The following SESN1 variants were observed in gnomAD, a reference collection of about 807,000 sequenced individuals.
The protein encoded by SESN1 is sestrin-1.
In SESN1, 30 loss-of-function variants were observed where a neutral mutation model predicts 59.3. That is an observed-to-expected ratio of 0.51 (90% CI 0.38 to 0.69). SESN1 has a LOEUF of 0.69. SESN1 is among the 30% of genes least tolerant of loss of function. The probability of loss-of-function intolerance (pLI) is 0.00; values close to 1 mark genes in which losing one functional copy is unlikely to be tolerated. For missense variants in SESN1, 566 were observed against 673.0 expected, an observed-to-expected ratio of 0.84 and a Z score of 1.76; for synonymous variants, 197 against 219.9, an observed-to-expected ratio of 0.90 and a Z score of 0.92.
At chr6:109,093,555 G>A (rs940311672) in intron 1 of SESN1, among the ~76,000 whole-genome samples, 2 of 151,752 alleles carry the variant, frequency 1.3e-5, no homozygotes, top group Non-Finnish European at 1.5e-5. Flanking sequence ...AGAAATATAA[G>A]GAAAAACAAG....
intron 1 of SESN1, among the ~76,000 whole-genome samples, chr6:109,037,167 T>C (rs907017524): frequency 2.0e-5 from 3 of 152,238 alleles, no homozygotes; most frequent in African/African-American, 7.2e-5. Context: ...ACCTCACTTA[T>C]GAACCACGCT....
intron 5 of SESN1, among the ~76,000 whole-genome samples, chr6:108,995,820 T>C (rs1779493251): frequency 6.6e-6 from 1 of 151,666 alleles, no homozygotes; most frequent in Non-Finnish European, 1.5e-5. Flanking sequence ...CAAATCTCAA[T>C]GTATACATAC....
chr6:109,012,988 C>A (rs1225349254), intron 1 of SESN1, among the ~76,000 whole-genome samples: 3 of 151,454 alleles, frequency 2.0e-5, no homozygotes, highest in African/African-American at 2.4e-5. Context: ...TGGTGGTGTG[C>A]GCCTGTAGTC....
chr6:109,054,226 T>C (rs1304868399), intron 1 of SESN1, among the ~76,000 whole-genome samples: 1 of 152,056 alleles, frequency 6.6e-6, no homozygotes, highest in Non-Finnish European at 1.5e-5. Context: ...AAAGTTATGA[T>C]GATGGAATAG....
intron 1 of SESN1, among the ~76,000 whole-genome samples, chr6:109,075,998 T>C (rs1016445149): frequency 6.6e-6 from 1 of 152,164 alleles, no homozygotes; most frequent in East Asian, 1.9e-4. Flanking sequence ...TCCTCTCCAG[T>C]TCACTGCATA....
At chr6:108,993,147 T>C (rs11970599) in intron 6 of SESN1, 64,380 of 373,418 alleles carry the variant, frequency 0.17, 6,604 homozygotes, top group African/African-American at 0.33. Context: ...CTTTCATAGA[T>C]CCTTTCTCTC....
Position 108,988,546 on chromosome 6 carries a change from C to T in SESN1, c.1566G>A (p.Glu522=). The change falls in exon 9 of 10, where the codon GAG becomes GAA. Residue 522 remains glutamate, a synonymous_variant. Transcript: ENST00000436639. ...ATAAGCCACAATAGGCACATACCTTCTCAGAGTGCTTGAACTGCCTCCAGA... is the reference window on the plus strand; with the variant it reads ...ATAAGCCACAATAGGCACATACCTTTTCAGAGTGCTTGAACTGCCTCCAGA... ...DSFWRQFKHS[E]KVHVNLLLIE... is the part of the protein sequence containing the mutation. 1 of 1,608,220 alleles carries T rather than the reference C, an allele frequency of 6.2e-7. No homozygotes were observed. Among genetic ancestry groups the T allele is most frequent in the Non-Finnish European group, 8.5e-7 (1 of 1,177,824 alleles).
intron 1 of SESN1, among the ~76,000 whole-genome samples, chr6:109,047,582 G>A (rs1175131456): frequency 1.9e-4 from 25 of 134,922 alleles, no homozygotes; most frequent in Non-Finnish European, 2.5e-4. Context: ...CCACCACCCC[G>A]TCTGGGAGGT....
chr6:109,083,093 A>G (rs1299966060), intron 1 of SESN1, among the ~76,000 whole-genome samples: 1 of 152,250 alleles, frequency 6.6e-6, no homozygotes, highest in Non-Finnish European at 1.5e-5. Flanking sequence ...ACAGTATACT[A>G]AAGTTTACAA....
In SESN1 at chr6:108,998,538, G is replaced by C. The variant is rs150654249; in HGVS notation, c.947C>G (p.Pro316Arg). The C allele has an allele frequency of 1.9e-6, 3 of 1,613,744 alleles. No homozygotes were observed. Among genetic ancestry groups the C allele is most frequent in the Non-Finnish European group, 2.5e-6 (3 of 1,179,736 alleles). ...TNGNHSVDEM[P>R]VNSAENVSVS... Reference sequence around the variant, plus strand: ...AGAAACATTTTCTGCTGAGTTGACCGGCATCTCATCCACACTGTGATTGCC... The same window carrying C: ...AGAAACATTTTCTGCTGAGTTGACCCGCATCTCATCCACACTGTGATTGCC... Residue 316 changes from proline (P) to arginine (R), a missense_variant, in exon 5 of 10, where the codon CCG (proline) becomes CGG (arginine). Coordinates refer to ENST00000436639, the MANE Select transcript of SESN1 (RefSeq NM_014454.3).
At chr6:109,034,932 T>G (rs758699694) in intron 1 of SESN1, among the ~76,000 whole-genome samples, 2 of 152,206 alleles carry the variant, frequency 1.3e-5, no homozygotes, top group Non-Finnish European at 2.9e-5. Flanking sequence ...TTAAGAACTT[T>G]TATATCAGGG....
rs115327840 is a variant in SESN1 at position 109,039,641 on chromosome 6, T to C, written c.280-37298A>G. 7.8e-3 allele frequency among the ~76,000 whole-genome samples: 1,187 copies of C among 152,264 alleles called. 21 individuals are homozygous for C. The highest frequency in any genetic ancestry group is 0.027 in the African/African-American group (1,141 of 41,544). On this transcript the variant is annotated intron_variant, in intron 1 of 9. Transcript: ENST00000436639. ...CCATCACTGGGATTAAAAACCAAAA[T>C]ATATAGATGATTTACATTTGTAGAT...
rs777845724 is a variant in SESN1 at position 108,990,685 on chromosome 6, G to A, written c.1384C>T (p.Arg462Trp). The A allele has an allele frequency of 1.6e-5, 26 of 1,613,874 alleles. No homozygotes were observed. Among genetic ancestry groups the A allele is most frequent in the East Asian group, 2.2e-5 (1 of 44,880 alleles). ...CAGTGAATATAGTTCCAAATTGCCCGTCTAAGCATTGAGGTATCAACATCT... is the reference window on the plus strand; with the variant it reads ...CAGTGAATATAGTTCCAAATTGCCCATCTAAGCATTGAGGTATCAACATCT... ...HKDVDTSMLR[R>W]AIWNYIHCMF... is the part of the protein sequence containing the mutation. The change falls in exon 8 of 10, where the codon CGG becomes TGG. Residue 462 changes from arginine (R) to tryptophan (W), a missense_variant. Transcript: ENST00000436639.
At chr6:109,079,496 C>T (rs901186198) in intron 1 of SESN1, among the ~76,000 whole-genome samples, 6 of 152,104 alleles carry the variant, frequency 3.9e-5, no homozygotes, top group African/African-American at 1.4e-4. Flanking sequence ...ATGGCATTTA[C>T]TCTTATAAAT....
At chr6:109,003,623 C>T (rs1301851517) in intron 1 of SESN1, among the ~76,000 whole-genome samples, 7 of 152,178 alleles carry the variant, frequency 4.6e-5, no homozygotes, top group African/African-American at 1.4e-4. Flanking sequence ...GTTAGTCCAT[C>T]CTTACACTGA....
chr6:108,994,140 T>TAAGA (rs1779450619), intron 6 of SESN1, among the ~76,000 whole-genome samples: 1 of 100,266 alleles, frequency 1.0e-5, no homozygotes, highest in African/African-American at 3.8e-5. Context: ...CCCTGTTTCT[T>TAAGA]AAAAAAAAAA....
chr6:109,006,692 T>G (rs938533431), intron 1 of SESN1, among the ~76,000 whole-genome samples: 1 of 152,176 alleles, frequency 6.6e-6, no homozygotes, highest in African/African-American at 2.4e-5. Context: ...ACAGTAGTAG[T>G]CTTGGTTTAT....
intron 1 of SESN1, among the ~76,000 whole-genome samples, chr6:109,079,244 A>G (rs964069604): frequency 2.7e-4 from 41 of 151,818 alleles, no homozygotes; most frequent in African/African-American, 9.2e-4. Flanking sequence ...ATACTCTAAT[A>G]TTCAATACAG....
chr6:109,063,499 A>T (rs1780764947), intron 1 of SESN1, among the ~76,000 whole-genome samples: 1 of 152,200 alleles, frequency 6.6e-6, no homozygotes, highest in Non-Finnish European at 1.5e-5. Flanking sequence ...ATCAAAATTT[A>T]GGGAACCACA....
Sources: gnomAD v4.1 joint callset for allele counts (sites outside exome capture counted in the v4.1 genomes callset) on GRCh38, gnomAD v4.1.1 for gene constraint, MANE v1.5 for transcripts, NCBI Gene and HGNC (gene_info 2026-07-23, HGNC 2026-07-21) for gene names.